ANO10: variants seen among roughly 807,000 people sequenced by gnomAD.
The protein encoded by ANO10 is anoctamin-10.
A neutral mutation model predicts 74.7 loss-of-function variants in ANO10; 77 were observed. That is an observed-to-expected ratio of 1.03 (90% CI 0.86 to 1.25). The LOEUF (loss-of-function observed/expected upper bound fraction) is 1.25. Among genes scored for constraint, ANO10 ranks in the 50% most tolerant of loss-of-function variants. The probability of loss-of-function intolerance (pLI) is 0.00; values close to 1 mark genes in which losing one functional copy is unlikely to be tolerated. For synonymous variants in ANO10, 279 were observed against 284.9 expected (o/e 0.98, Z 0.21); for missense variants, 721 against 778.1 (o/e 0.93, Z 0.87).
At chr3:43,548,576 T>C (rs755437125) in intron 11 of ANO10, among the ~76,000 whole-genome samples, 3 of 152,214 alleles carry the variant, frequency 2.0e-5, no homozygotes, top group Admixed American at 6.5e-5. Context: ...TATATTTCTT[T>C]AGCCAACACT....
intron 9 of ANO10, 26 bp from the exon 10 acceptor site, chr3:43,555,495 A>T (rs1320081065): frequency 1.2e-6 from 2 of 1,605,106 alleles, no homozygotes. Flanking sequence ...AGCATGCATT[A>T]TTTTAATATC....
At chr3:43,498,707 A>C (rs1412709381) in intron 11 of ANO10, among the ~76,000 whole-genome samples, 1 of 152,220 alleles carries the variant, frequency 6.6e-6, no homozygotes, top group African/African-American at 2.4e-5. Flanking sequence ...TTTTCAAAAA[A>C]TATAATCCTC....
chr3:43,477,035 A>G (rs905755021), intron 11 of ANO10, among the ~76,000 whole-genome samples: 1 of 152,218 alleles, frequency 6.6e-6, no homozygotes, highest in African/African-American at 2.4e-5. Flanking sequence ...TAAAAAATAA[A>G]GACAAAGAAT....
intron 11 of ANO10, among the ~76,000 whole-genome samples, chr3:43,443,463 G>C (rs953724936): frequency 1.3e-5 from 2 of 152,100 alleles, no homozygotes; most frequent in Admixed American, 1.3e-4. Context: ...GAGACAGTAT[G>C]GGGGAGATCA....
intron 1 of ANO10, among the ~76,000 whole-genome samples, chr3:43,618,732 T>C (rs1453930166): frequency 1.3e-5 from 2 of 152,360 alleles, no homozygotes; most frequent in Admixed American, 6.5e-5. Context: ...TCATGCTTTC[T>C]AGTCTGTAAC....
chr3:43,611,145 T>C (rs1418587242), intron 1 of ANO10, among the ~76,000 whole-genome samples: 1 of 152,180 alleles, frequency 6.6e-6, no homozygotes, highest in African/African-American at 2.4e-5. Context: ...GAGACAATAG[T>C]ATGTGAGCAG....
At chr3:43,616,782 T>C (rs1271552866) in intron 1 of ANO10, among the ~76,000 whole-genome samples, 1 of 152,134 alleles carries the variant, frequency 6.6e-6, no homozygotes, top group Non-Finnish European at 1.5e-5. Context: ...TTTCTGTCCC[T>C]GAAGTTCCAT....
At chr3:43,680,887 T>C (rs963472187) in intron 1 of ANO10, among the ~76,000 whole-genome samples, 1 of 152,178 alleles carries the variant, frequency 6.6e-6, no homozygotes, top group Non-Finnish European at 1.5e-5. Flanking sequence ...CTGAGAGATT[T>C]TGTCACCACC....
intron 2 of ANO10, among the ~76,000 whole-genome samples, chr3:43,602,343 A>G (rs1435806354): frequency 6.6e-6 from 1 of 151,992 alleles, no homozygotes; most frequent in Non-Finnish European, 1.5e-5. Context: ...TAATTAATTA[A>G]TTTATTTATT....
chr3:43,441,140 AAAAAG>A (rs1368507210), intron 11 of ANO10, among the ~76,000 whole-genome samples: 4 of 151,996 alleles, frequency 2.6e-5, no homozygotes, highest in African/African-American at 9.7e-5. Context: ...AAGAAACTAC[AAAAAG>A]AACAAACTAA....
intron 12 of ANO10, among the ~76,000 whole-genome samples, chr3:43,406,319 C>T (rs1444804058): frequency 6.6e-6 from 1 of 152,186 alleles, no homozygotes; most frequent in African/African-American, 2.4e-5. Context: ...ATATCAAAAG[C>T]ACAGGACGTG....
chr3:43,499,871 G>A (rs762985906), intron 11 of ANO10, among the ~76,000 whole-genome samples: 16 of 147,970 alleles, frequency 1.1e-4, no homozygotes, highest in African/African-American at 3.5e-4. Context: ...TCACTCTATC[G>A]CCCATGCTGG....
At position 43,586,050 on chromosome 3, in the gene ANO10, C is replaced by A. The variant is rs961422381; in HGVS notation, c.473-5578G>T. On this transcript the variant is annotated intron_variant, in intron 4 of 12. Coordinates refer to ENST00000292246, the MANE Select transcript of ANO10 (RefSeq NM_018075.5). ...CAGCCCTGGGTAAACTAAGAGCACCCATGCTTCTGCAAACCTGGGCCAAGC... is the reference window on the plus strand; with the variant it reads ...CAGCCCTGGGTAAACTAAGAGCACCAATGCTTCTGCAAACCTGGGCCAAGC... 2.6e-5 allele frequency among the ~76,000 whole-genome samples: 4 copies of A among 152,256 alleles called. No individual in the cohort carries two copies. The East Asian group carries it at 5.8e-4, about 22-fold the overall frequency.
At chr3:43,577,982 TG>T (rs1354699934) in intron 5 of ANO10, among the ~76,000 whole-genome samples, 1 of 152,126 alleles carries the variant, frequency 6.6e-6, no homozygotes, top group Non-Finnish European at 1.5e-5. Flanking sequence ...CTCATCCACA[TG>T]GGGAGTGCTT....
intron 1 of ANO10, among the ~76,000 whole-genome samples, chr3:43,653,762 C>CTGT (rs893704858): frequency 6.6e-6 from 1 of 152,178 alleles, no homozygotes; most frequent in Non-Finnish European, 1.5e-5. Context: ...TACCCAGCAT[C>CTGT]TGTTCTCTCT....
At chr3:43,501,568 G>A (rs2077101039) in intron 11 of ANO10, among the ~76,000 whole-genome samples, 1 of 151,440 alleles carries the variant, frequency 6.6e-6, no homozygotes, top group East Asian at 1.9e-4. Flanking sequence ...TCTTAGTAGA[G>A]AGGCAGAGGA....
chr3:43,568,243 T>G (rs1327154242), intron 7 of ANO10, among the ~76,000 whole-genome samples: 2 of 152,026 alleles, frequency 1.3e-5, no homozygotes, highest in African/African-American at 2.4e-5. Flanking sequence ...ATGGGAGACT[T>G]TAACACCCTA....
chr3:43,671,514 T>C (rs1170949313), intron 1 of ANO10, among the ~76,000 whole-genome samples: 1 of 152,144 alleles, frequency 6.6e-6, no homozygotes, highest in East Asian at 1.9e-4. Context: ...TCAATTATTT[T>C]GGAAAACCAT....
chr3:43,593,852 T>A (rs886732648), intron 4 of ANO10, among the ~76,000 whole-genome samples: 5 of 152,172 alleles, frequency 3.3e-5, no homozygotes, highest in African/African-American at 4.8e-5. Flanking sequence ...CAGTATGCTG[T>A]ATTCAGGAGA....
Sources: allele counts gnomAD v4.1 joint callset (sites outside exome capture counted in the v4.1 genomes callset), GRCh38; gene constraint gnomAD v4.1.1; transcripts MANE v1.5; gene names NCBI Gene and HGNC (gene_info 2026-07-23, HGNC 2026-07-21).